The following GLIS3 variants were observed in gnomAD, a reference collection of about 807,000 sequenced individuals.
GLIS3 encodes the protein zinc finger protein GLIS3.
Under a neutral mutation model 78.6 loss-of-function variants are expected in GLIS3, and 53 were observed. That is an observed-to-expected ratio of 0.67 (90% CI 0.54 to 0.85). The LOEUF (loss-of-function observed/expected upper bound fraction) is 0.85. Ranked by LOEUF, GLIS3 falls within the 40% of genes least tolerant of loss-of-function variation. The pLI is 0.00. For missense variants in GLIS3, 1,703 were observed against 1,231.1 expected (o/e 1.38, Z -5.74); for synonymous variants, 684 against 509.9 (o/e 1.34, Z -4.60).
intron 4 of GLIS3, among the ~76,000 whole-genome samples, chr9:4,005,038 A>C (rs2129958531): frequency 6.6e-6 from 1 of 152,294 alleles, no homozygotes; most frequent in East Asian, 1.9e-4. Context: ...TGATGCCCCC[A>C]GTGGTGAATT....
At chr9:4,011,079 C>A (rs1252519202) in intron 4 of GLIS3, among the ~76,000 whole-genome samples, 7 of 152,150 alleles carry the variant, frequency 4.6e-5, no homozygotes, top group Non-Finnish European at 1.0e-4. Context: ...ACATTTTATT[C>A]CCCATACTTG....
chr9:4,419,054 C>G, the GLIS3 span, among the ~76,000 whole-genome samples: 3 of 152,142 alleles, frequency 2.0e-5, no homozygotes, highest in African/African-American at 4.8e-5. Context: ...AGATTAAAAT[C>G]CAATAAATTA....
intron 7 of GLIS3, among the ~76,000 whole-genome samples, chr9:3,887,558 C>T (rs537473159): frequency 1.3e-5 from 2 of 152,296 alleles, no homozygotes; most frequent in South Asian, 2.1e-4. Flanking sequence ...GATATTCCCC[C>T]ATGAGCTCCA....
At chr9:4,221,242 T>C (rs1456931918) in intron 2 of GLIS3, among the ~76,000 whole-genome samples, 2 of 152,104 alleles carry the variant, frequency 1.3e-5, no homozygotes, top group Non-Finnish European at 2.9e-5. Context: ...AGAAATGAGG[T>C]AAAATGTTAA....
At chr9:3,933,169 TGA>T (rs773095693) in intron 5 of GLIS3, among the ~76,000 whole-genome samples, 358 of 152,080 alleles carry the variant, frequency 2.4e-3, no homozygotes, top group Admixed American at 2.2e-3. Context: ...TGCTTAAGGC[TGA>T]GTCTAGCCTC....
intron 2 of GLIS3, among the ~76,000 whole-genome samples, chr9:4,129,547 CCT>C (rs1419170099): frequency 6.6e-6 from 1 of 152,064 alleles, no homozygotes; most frequent in African/African-American, 2.4e-5. Flanking sequence ...GGCACCTCCC[CCT>C]CTCTCTCTTC....
At chr9:4,114,788 T>C (rs887869334) in intron 4 of GLIS3, among the ~76,000 whole-genome samples, 2 of 151,952 alleles carry the variant, frequency 1.3e-5, no homozygotes, top group African/African-American at 4.8e-5. Context: ...GAGCAGCTGG[T>C]TGGGCTTTCC....
At chr9:3,873,296 T>C (rs1018995952) in intron 8 of GLIS3, among the ~76,000 whole-genome samples, 2 of 151,702 alleles carry the variant, frequency 1.3e-5, no homozygotes, top group African/African-American at 4.8e-5. Flanking sequence ...ACAACAAAAA[T>C]AAAACTGCAG....
At chr9:4,338,980 G>T (rs1428258831) in intron 2 of GLIS3, among the ~76,000 whole-genome samples, 1 of 152,160 alleles carries the variant, frequency 6.6e-6, no homozygotes, top group Non-Finnish European at 1.5e-5. Flanking sequence ...GGCTTTATGT[G>T]TTACAGGCTT....
At chr9:4,016,660 A>C (rs1238291861) in intron 4 of GLIS3, among the ~76,000 whole-genome samples, 1 of 152,106 alleles carries the variant, frequency 6.6e-6, no homozygotes, top group Non-Finnish European at 1.5e-5. Context: ...GAAGGCTCTG[A>C]TGTCTTTCCA....
chr9:4,022,284 C>T (rs1003744229), intron 4 of GLIS3, among the ~76,000 whole-genome samples: 2 of 152,178 alleles, frequency 1.3e-5, no homozygotes, highest in Non-Finnish European at 2.9e-5. Context: ...TCAGGTCCTG[C>T]GCTTGGTTTG....
At chr9:4,020,225 G>C (rs554827415) in intron 4 of GLIS3, among the ~76,000 whole-genome samples, 2 of 152,324 alleles carry the variant, frequency 1.3e-5, no homozygotes, top group Admixed American at 6.5e-5. Flanking sequence ...GTGTGCAGCA[G>C]GAACAGCTGC....
chr9:4,237,648 G>C (rs185908956), intron 2 of GLIS3, among the ~76,000 whole-genome samples: 1 of 152,178 alleles, frequency 6.6e-6, no homozygotes, highest in Admixed American at 6.5e-5. Context: ...TGTACATTTA[G>C]AAGTACAGTT....
At chr9:4,206,928 A>T (rs914294668) in intron 2 of GLIS3, among the ~76,000 whole-genome samples, 3 of 152,214 alleles carry the variant, frequency 2.0e-5, no homozygotes, top group African/African-American at 7.2e-5. Context: ...TGATACTGAC[A>T]AACAACAACT....
At chr9:4,135,049 AG>A (rs1748519251) in intron 2 of GLIS3, among the ~76,000 whole-genome samples, 1 of 152,226 alleles carries the variant, frequency 6.6e-6, no homozygotes, top group Non-Finnish European at 1.5e-5. Context: ...CTGGTGGGAA[AG>A]AAATACATTA....
chr9:4,224,626 C>T (rs1483323568), intron 2 of GLIS3, among the ~76,000 whole-genome samples: 1 of 152,128 alleles, frequency 6.6e-6, no homozygotes, highest in African/African-American at 2.4e-5. Flanking sequence ...TGGAACAGGG[C>T]TTACGAGACG....
chr9:4,086,659 G>C (rs1829045764), intron 4 of GLIS3, among the ~76,000 whole-genome samples: 2 of 152,202 alleles, frequency 1.3e-5, no homozygotes, highest in South Asian at 4.1e-4. Flanking sequence ...TGTCCTTTTG[G>C]AGAGTTTTAG....
chr9:3,835,861 G>A (rs957114264), intron 9 of GLIS3, among the ~76,000 whole-genome samples: 6 of 152,132 alleles, frequency 3.9e-5, no homozygotes, highest in Admixed American at 3.9e-4. Context: ...AAGTGTTGGG[G>A]ATATAGTGGT....
chr9:4,303,794 C>G (rs567357110), upstream of GLIS3, among the ~76,000 whole-genome samples: 39 of 152,252 alleles, frequency 2.6e-4, no homozygotes, highest in African/African-American at 9.1e-4. Flanking sequence ...TGATGTATTC[C>G]TTGACATATT....
Sources: allele counts gnomAD v4.1 joint callset (sites outside exome capture counted in the v4.1 genomes callset), GRCh38; gene constraint gnomAD v4.1.1; transcripts MANE v1.5; gene names NCBI Gene and HGNC (gene_info 2026-07-23, HGNC 2026-07-21).